The following HNF4G variants were observed in gnomAD, a reference collection of about 807,000 sequenced individuals.
HNF4G encodes hepatocyte nuclear factor 4 gamma, also known as hepatocyte nuclear factor 4-gamma.
In HNF4G, 21 loss-of-function variants were observed where a neutral mutation model predicts 50.9. The observed-to-expected ratio is 0.41, with a 90% CI of 0.29 to 0.59. HNF4G has a LOEUF of 0.59. Among genes scored for constraint, HNF4G ranks in the 20% least tolerant of loss-of-function variants. The probability of loss-of-function intolerance (pLI) is 0.26; values close to 1 mark genes in which losing one functional copy is unlikely to be tolerated. For missense variants in HNF4G, 527 were observed against 559.4 expected (o/e 0.94, Z 0.58); for synonymous variants, 198 against 185.6 (o/e 1.07, Z -0.54).
intron 1 of HNF4G, among the ~76,000 whole-genome samples, chr8:75,470,464 C>A (rs139614020): frequency 6.6e-6 from 1 of 152,096 alleles, no homozygotes; most frequent in Non-Finnish European, 1.5e-5. Context: ...TCTCTCCCCC[C>A]ACAGATTGTT....
Position 75,463,049 on chromosome 8 carries a change from T to C in HNF4G, c.-143-27040T>C, listed in dbSNP as rs561680255. On this transcript the variant is annotated intron_variant, in intron 1 of 10. Transcript: ENST00000354370. ...TTTTTGTTCCTCCTCTGATATTCAA[T>C]GTCTGCTTGTTTTTTTGTTTTTTTT... Among the ~76,000 whole-genome samples the C allele has an allele frequency of 4.0e-3, 597 of 151,086 alleles. 4 individuals are homozygous for C. Among genetic ancestry groups the C allele is most frequent in the Non-Finnish European group, 5.1e-3 (349 of 67,842 alleles).
intron 1 of HNF4G, among the ~76,000 whole-genome samples, chr8:75,466,573 C>A (rs1811979607): frequency 1.7e-5 from 1 of 59,484 alleles, no homozygotes; most frequent in Non-Finnish European, 3.2e-5. Context: ...TTTCTCGCTC[C>A]TTCCTTCCTT....
At chr8:75,416,701 T>G (rs975918020) in intron 1 of HNF4G, among the ~76,000 whole-genome samples, 3 of 152,250 alleles carry the variant, frequency 2.0e-5, no homozygotes, top group African/African-American at 7.2e-5. Flanking sequence ...AGCATGTCTA[T>G]GTAGACTTCG....
At chr8:75,487,590 T>C (rs1157937140) in intron 1 of HNF4G, among the ~76,000 whole-genome samples, 1 of 152,174 alleles carries the variant, frequency 6.6e-6, no homozygotes, top group African/African-American at 2.4e-5. Flanking sequence ...CCAATCAAAA[T>C]TTATCTATCC....
At chr8:75,561,355 A>G (rs140798246) in intron 9 of HNF4G, among the ~76,000 whole-genome samples, 1 of 152,114 alleles carries the variant, frequency 6.6e-6, no homozygotes, top group African/African-American at 2.4e-5. Context: ...GACTGCATTT[A>G]TGTTTTATTT....
intron 2 of HNF4G, among the ~76,000 whole-genome samples, chr8:75,524,674 C>T (rs1055522578): frequency 6.6e-6 from 1 of 151,876 alleles, no homozygotes; most frequent in African/African-American, 2.4e-5. Context: ...ATTGCAACAC[C>T]CTACACAGGA....
chr8:75,530,553 A>G (rs1489571361), intron 2 of HNF4G, among the ~76,000 whole-genome samples: 2 of 152,136 alleles, frequency 1.3e-5, no homozygotes, highest in Admixed American at 6.5e-5. Context: ...CAATTAGAAT[A>G]AAAATAATAA....
intron 1 of HNF4G, among the ~76,000 whole-genome samples, chr8:75,465,216 T>C (rs1194994494): frequency 2.6e-5 from 4 of 152,170 alleles, no homozygotes; most frequent in Non-Finnish European, 5.9e-5. Flanking sequence ...TATGCAAAAA[T>C]TGTTAAAGTT....
At chr8:75,443,603 C>T (rs2130553920) in intron 1 of HNF4G, among the ~76,000 whole-genome samples, 1 of 152,272 alleles carries the variant, frequency 6.6e-6, no homozygotes, top group East Asian at 1.9e-4. Flanking sequence ...TCAAATAATT[C>T]TTCCACCTTA....
chr8:75,552,081 T>C (rs893667336), intron 4 of HNF4G, among the ~76,000 whole-genome samples: 1 of 152,186 alleles, frequency 6.6e-6, no homozygotes, highest in African/African-American at 2.4e-5. Context: ...AATCCTTAAA[T>C]CAAACTTACT....
rs372495738 is a variant in HNF4G, at chr8:75,418,830, C to A, written c.-144+10668C>A. 1.1e-3 allele frequency among the ~76,000 whole-genome samples: 163 copies of A among 149,748 alleles called. 1 individual carries two copies. The highest frequency in any genetic ancestry group is 3.5e-3 in the African/African-American group (140 of 40,542). ...GCAACCTCCGCCTCCCGGGTTCAAG[C>A]GATTTTCCTGCCTCAGCCTCCCGAG... On this transcript the variant is annotated intron_variant, in intron 1 of 10. Coordinates refer to the HNF4G transcript ENST00000354370.
At chr8:75,433,832 C>T (rs185361670) in intron 1 of HNF4G, among the ~76,000 whole-genome samples, 3 of 151,980 alleles carry the variant, frequency 2.0e-5, no homozygotes, top group South Asian at 2.1e-4. Context: ...TAATATTGAC[C>T]AGCCAAAAAA....
At chr8:75,493,728 G>A (rs1192431280) in intron 2 of HNF4G, among the ~76,000 whole-genome samples, 1 of 152,006 alleles carries the variant, frequency 6.6e-6, no homozygotes, top group Non-Finnish European at 1.5e-5. Flanking sequence ...TTTAAACAAT[G>A]TTTGATAAGC....
intron 1 of HNF4G, among the ~76,000 whole-genome samples, chr8:75,452,301 CAGTATT>C (rs1211030608): frequency 1.3e-5 from 2 of 152,050 alleles, no homozygotes; most frequent in Non-Finnish European, 2.9e-5. Context: ...ACGATTGTTA[CAGTATT>C]AGTATGTGTC....
chr8:75,510,813 G>GTA (rs999805034), intron 2 of HNF4G, among the ~76,000 whole-genome samples: 39 of 151,732 alleles, frequency 2.6e-4, no homozygotes, highest in African/African-American at 7.7e-4. Context: ...TCCTGTGTGT[G>GTA]TATATATATA....
intron 2 of HNF4G, among the ~76,000 whole-genome samples, chr8:75,499,561 C>A (rs1395554600): frequency 7.1e-6 from 1 of 140,730 alleles, no homozygotes; most frequent in Non-Finnish European, 1.5e-5. Flanking sequence ...TTCAAGAGAC[C>A]TAAAATATGC....
At chr8:75,413,067 G>C (rs1368594153) in intron 1 of HNF4G, among the ~76,000 whole-genome samples, 1 of 151,916 alleles carries the variant, frequency 6.6e-6, no homozygotes, top group Non-Finnish European at 1.5e-5. Context: ...GGGCAGAGGA[G>C]ATCAGACTTG....
chr8:75,464,855 A>G (rs1416432847), intron 1 of HNF4G, among the ~76,000 whole-genome samples: 3 of 152,216 alleles, frequency 2.0e-5, no homozygotes, highest in Non-Finnish European at 4.4e-5. Context: ...TTAAAAAGGC[A>G]TCATCCAAGT....
At chr8:75,461,785 T>C (rs540342814) in intron 1 of HNF4G, among the ~76,000 whole-genome samples, 18 of 151,576 alleles carry the variant, frequency 1.2e-4, no homozygotes, top group African/African-American at 3.4e-4. Flanking sequence ...AAATTAGGCA[T>C]AGTAAAAGAT....
Sources: gnomAD v4.1 joint callset for allele counts (sites outside exome capture counted in the v4.1 genomes callset) on GRCh38, gnomAD v4.1.1 for gene constraint, MANE v1.5 for transcripts, NCBI Gene and HGNC (gene_info 2026-07-23, HGNC 2026-07-21) for gene names.